The following CNIH3 variants were observed in gnomAD, a reference collection of about 807,000 sequenced individuals.
CNIH3 encodes protein cornichon homolog 3.
Under a neutral mutation model 24.1 loss-of-function variants are expected in CNIH3, and 14 were observed. That is an observed-to-expected ratio of 0.58 (90% CI 0.38 to 0.91). The LOEUF (loss-of-function observed/expected upper bound fraction) is 0.91, where lower values mean the gene tolerates loss of function less well. CNIH3 is among the 40% of genes least tolerant of loss of function. The pLI is 0.00. For synonymous variants in CNIH3, 68 were observed against 73.8 expected (o/e 0.92, Z 0.40); for missense variants, 178 against 196.8 (o/e 0.90, Z 0.57).
intron 1 of CNIH3, among the ~76,000 whole-genome samples, chr1:224,470,236 T>C (rs904842720): frequency 8.5e-5 from 13 of 152,082 alleles, no homozygotes; most frequent in African/African-American, 3.1e-4. Context: ...GCCAGGATAG[T>C]CTCGATCTCC....
At chr1:224,660,511 A>AT (rs899240937) in intron 1 of CNIH3, among the ~76,000 whole-genome samples, 34 of 145,338 alleles carry the variant, frequency 2.3e-4, no homozygotes, top group South Asian at 6.5e-4. Context: ...TTTATATACA[A>AT]TTTTTTTTTT....
chr1:224,682,670 G>T (rs555166104), intron 2 of CNIH3, among the ~76,000 whole-genome samples: 1 of 152,306 alleles, frequency 6.6e-6, no homozygotes, highest in East Asian at 1.9e-4. Flanking sequence ...ATGTCTTTCT[G>T]GATGTTTTTG....
At chr1:224,629,698 A>G (rs1461054142) in intron 1 of CNIH3, among the ~76,000 whole-genome samples, 5 of 151,876 alleles carry the variant, frequency 3.3e-5, no homozygotes. Context: ...TTAATGTTTA[A>G]TTTTTTGTGG....
In CNIH3 at chr1:224,704,394, T is replaced by TC. The variant is rs35060635; in HGVS notation, c.198+19555dup. Among the ~76,000 whole-genome samples the TC allele has an allele frequency of 6.6e-6, 1 of 152,036 alleles. No homozygotes were observed. On this transcript the variant is annotated intron_variant, in intron 3 of 5. Coordinates refer to ENST00000272133, the MANE Select transcript of CNIH3 (RefSeq NM_152495.2). The surrounding 1 kb of genome is among the most constrained non-coding windows in gnomAD (Gnocchi z 4.2). ...TGATGCAGGATTATGCACATTCGAA[T>TC]CCCCTGGGGAGCTTTTAAAACCCAG...
At position 224,469,678 on chromosome 1, in the gene CNIH3, T is replaced by G. The variant is rs574817035; in HGVS notation, n.203+34816T>G. The stretch of plus-strand genomic sequence containing the variant: ...ATGTGCCATCATTCCTGGCTAATTC[T>G]TTTTTGATATTGCTGAATTTAATTT... On this transcript the variant is annotated intron_variant and non_coding_transcript_variant, in intron 1 of 5. Transcript: ENST00000471578. Among the ~76,000 whole-genome samples the G allele has an allele frequency of 2.6e-3, 390 of 152,310 alleles. 1 individual carries two copies. The highest frequency in any genetic ancestry group is 4.2e-3 in the Non-Finnish European group (285 of 68,024).
chr1:224,663,505 C>G (rs1685457607), intron 1 of CNIH3, among the ~76,000 whole-genome samples: 1 of 152,110 alleles, frequency 6.6e-6, no homozygotes. Flanking sequence ...TCAGAATTCC[C>G]AAAATTGAGA....
intron 3 of CNIH3, among the ~76,000 whole-genome samples, chr1:224,695,187 G>T (rs1216404236): frequency 6.6e-6 from 1 of 152,214 alleles, no homozygotes; most frequent in Non-Finnish European, 1.5e-5. Context: ...GGAGCAGAAA[G>T]ACTGAGCTCT....
intron 1 of CNIH3, among the ~76,000 whole-genome samples, chr1:224,634,726 C>T (rs12136378): frequency 0.11 from 16,295 of 152,186 alleles, 1,379 homozygotes; most frequent in African/African-American, 0.22. Flanking sequence ...GCCCTTGCCT[C>T]GCAACTCACT....
chr1:224,678,327 G>A (rs1207772485), intron 1 of CNIH3, among the ~76,000 whole-genome samples: 1 of 152,134 alleles, frequency 6.6e-6, no homozygotes, highest in Non-Finnish European at 1.5e-5. Flanking sequence ...ATGTGATATG[G>A]CCACAAAAAA....
chr1:224,501,505 CTA>C (rs201461305), intron 1 of CNIH3, among the ~76,000 whole-genome samples: 11,407 of 142,236 alleles, frequency 0.08, 537 homozygotes, highest in East Asian at 0.12. Flanking sequence ...AGGCTTGAAC[CTA>C]TATATATATA....
At chr1:224,520,010 C>T (rs981373127) in intron 1 of CNIH3, among the ~76,000 whole-genome samples, 1 of 152,116 alleles carries the variant, frequency 6.6e-6, no homozygotes, top group Non-Finnish European at 1.5e-5. Flanking sequence ...GTTTAGAGTA[C>T]CCAGAGGCCA....
intron 3 of CNIH3, among the ~76,000 whole-genome samples, chr1:224,554,301 G>A (rs1223336026): frequency 1.3e-5 from 2 of 152,120 alleles, no homozygotes; most frequent in South Asian, 2.1e-4. Flanking sequence ...CAGTAAGGCC[G>A]TGGGGTGGGG....
chr1:224,666,726 T>C (rs1057119321), intron 1 of CNIH3, among the ~76,000 whole-genome samples: 2 of 152,230 alleles, frequency 1.3e-5, no homozygotes, highest in African/African-American at 4.8e-5. Flanking sequence ...TAGAAGTTTC[T>C]TCTTAGTAGT....
chr1:224,705,605 G>A (rs910513297), intron 3 of CNIH3, among the ~76,000 whole-genome samples: 1 of 152,178 alleles, frequency 6.6e-6, no homozygotes, highest in African/African-American at 2.4e-5. Flanking sequence ...CCTGTGATAG[G>A]AATTGCTTGA....
At chr1:224,470,619 C>T (rs1676332870) in intron 1 of CNIH3, among the ~76,000 whole-genome samples, 1 of 152,126 alleles carries the variant, frequency 6.6e-6, no homozygotes, top group African/African-American at 2.4e-5. Context: ...CACACCCAGC[C>T]CTCTTTCAGT....
intron 1 of CNIH3, among the ~76,000 whole-genome samples, chr1:224,672,599 C>T (rs2125132110): frequency 6.6e-6 from 1 of 152,228 alleles, no homozygotes; most frequent in South Asian, 2.1e-4. Flanking sequence ...TAGCTGTGTC[C>T]CTCCAATTGC....
In CNIH3 at chr1:224,585,135, T is replaced by C. The variant is rs138264846; in HGVS notation, n.620+1868T>C. Among the ~76,000 whole-genome samples, 953 of 152,318 alleles carry C rather than the reference T, an allele frequency of 6.3e-3. 32 individuals carry two copies. The highest frequency in any genetic ancestry group is 0.017 in the Middle Eastern group (5 of 294). On this transcript the variant is annotated intron_variant and non_coding_transcript_variant, in intron 5 of 5. Transcript: ENST00000471578. Reference sequence around the variant, plus strand: ...TGCTGCAACTTACTTTTCCTTACCATTCCTGAGATGTCATTCTTGTTCATG... The same window carrying C: ...TGCTGCAACTTACTTTTCCTTACCACTCCTGAGATGTCATTCTTGTTCATG...
upstream of CNIH3, among the ~76,000 whole-genome samples, chr1:224,514,935 G>C (rs140341981): frequency 6.3e-3 from 964 of 152,334 alleles, 8 homozygotes; most frequent in African/African-American, 0.022. Flanking sequence ...GCCTAGGCCA[G>C]AGAAGTGACT....
At chr1:224,624,620 C>T (rs1572608982) in intron 1 of CNIH3, among the ~76,000 whole-genome samples, 1 of 152,054 alleles carries the variant, frequency 6.6e-6, no homozygotes. Flanking sequence ...TGCTGTTTCT[C>T]AGAGCATCGT....
Sources: gnomAD v4.1 joint callset for allele counts (sites outside exome capture counted in the v4.1 genomes callset) on GRCh38, gnomAD v4.1.1 for gene constraint, Gnocchi (gnomAD v3.1) non-coding constraint, MANE v1.5 for transcripts, NCBI Gene and HGNC (gene_info 2026-07-23, HGNC 2026-07-21) for gene names.